The following ASH1L variants were observed in gnomAD, a reference collection of about 807,000 sequenced individuals.
The protein encoded by ASH1L is ASH1 like histone lysine methyltransferase, also known as histone-lysine N-methyltransferase ASH1L.
Under a neutral mutation model 269.0 loss-of-function variants are expected in ASH1L, and 23 were observed. The ratio of observed to expected loss-of-function variants is 0.09; its 90% CI spans 0.06 to 0.12. ASH1L has a LOEUF of 0.12. ASH1L is among the 10% of genes least tolerant of loss of function. The pLI is 1.00. For missense variants in ASH1L, 2,912 were observed against 3,567.8 expected (o/e 0.82, Z 4.68); for synonymous variants, 1,187 against 1,253.5 (o/e 0.95, Z 1.12).
chr1:155,482,008 C>G lies in ASH1L; in HGVS notation c.862G>C (p.Gly288Arg). The part of the protein sequence containing the change: ...TAVGLVTKDP[G>R]KKPVFNAAVG... ...GCTGCATTAAACACTGGCTTTTTCC[C>G]AGGATCTTTAGTTACCAATCCAACT... Residue 288 changes from glycine to arginine, a missense_variant, in exon 3 of 28, where the codon GGG becomes CGG. This residue lies in a region of ASH1L where 277 missense variants were observed against 367.7 expected (regional missense o/e 0.75). Transcript: ENST00000392403. The G allele has an allele frequency of 6.2e-7, 1 of 1,614,122 alleles. No individual in the cohort carries two copies. The highest frequency in any genetic ancestry group is 1.1e-5 in the South Asian group (1 of 91,078).
At chr1:155,456,004 A>C (rs1663838606) in intron 4 of ASH1L, among the ~76,000 whole-genome samples, 1 of 152,066 alleles carries the variant, frequency 6.6e-6, no homozygotes, top group Non-Finnish European at 1.5e-5. Flanking sequence ...TTTTTGTTCT[A>C]CTAGAGTCCT....
At chr1:155,546,312 C>T (rs1298542708) in intron 1 of ASH1L, among the ~76,000 whole-genome samples, 3 of 146,274 alleles carry the variant, frequency 2.1e-5, no homozygotes, top group Non-Finnish European at 4.5e-5. Flanking sequence ...GCCTGGGCAA[C>T]AAAGCGAGAC....
At chr1:155,446,232 C>CT (rs1663015876) in intron 4 of ASH1L, among the ~76,000 whole-genome samples, 2 of 150,560 alleles carry the variant, frequency 1.3e-5, no homozygotes, top group Non-Finnish European at 3.0e-5. Flanking sequence ...CTAAATTTAT[C>CT]GTTAAGACTT....
At chr1:155,554,651 C>G (rs1488916796) in intron 1 of ASH1L, among the ~76,000 whole-genome samples, 1 of 152,036 alleles carries the variant, frequency 6.6e-6, no homozygotes, top group East Asian at 1.9e-4. Flanking sequence ...TCAAGCAATC[C>G]TCCTGCCTTG....
intron 2 of ASH1L, among the ~76,000 whole-genome samples, chr1:155,505,413 A>AT (rs1224680077): frequency 2.2e-4 from 33 of 151,656 alleles, no homozygotes; most frequent in South Asian, 1.7e-3. Context: ...TCATAGCACA[A>AT]TTTTTTTTTA....
intron 4 of ASH1L, among the ~76,000 whole-genome samples, chr1:155,443,666 T>C (rs1391818412): frequency 6.6e-6 from 1 of 152,204 alleles, no homozygotes; most frequent in Non-Finnish European, 1.5e-5. Flanking sequence ...TTTGCTTTTC[T>C]AGAAGTTCAT....
intron 1 of ASH1L, among the ~76,000 whole-genome samples, chr1:155,533,246 A>C (rs1669809832): frequency 6.6e-6 from 1 of 152,108 alleles, no homozygotes; most frequent in Non-Finnish European, 1.5e-5. Context: ...AGCATGTACA[A>C]AGCTCTATGC....
intron 10 of ASH1L, among the ~76,000 whole-genome samples, chr1:155,371,341 A>AT (rs1428006003): frequency 9.2e-5 from 14 of 152,244 alleles, no homozygotes; most frequent in Middle Eastern, 3.4e-3. Flanking sequence ...TGAGGTCAGG[A>AT]GTTCAAGACT....
At chr1:155,427,702 T>A (rs1399276617) in intron 5 of ASH1L, among the ~76,000 whole-genome samples, 1 of 151,840 alleles carries the variant, frequency 6.6e-6, no homozygotes, top group East Asian at 1.9e-4. Context: ...GCCTCCCAAA[T>A]TGCTGGGATT....
chr1:155,465,524 AAATT>A (rs1386671749), intron 3 of ASH1L, among the ~76,000 whole-genome samples: 1 of 152,214 alleles, frequency 6.6e-6, no homozygotes, highest in African/African-American at 2.4e-5. Flanking sequence ...ACAGAAAAAT[AAATT>A]AAGTATGCTA....
At chr1:155,490,654 ACT>A (rs1218582438) in intron 2 of ASH1L, among the ~76,000 whole-genome samples, 26 of 148,270 alleles carry the variant, frequency 1.8e-4, no homozygotes, top group African/African-American at 4.7e-4. Context: ...ATACACACAC[ACT>A]CTCTCTCTCT....
intron 17 of ASH1L, among the ~76,000 whole-genome samples, chr1:155,350,095 T>C (rs1245940169): frequency 6.6e-6 from 1 of 151,996 alleles, no homozygotes; most frequent in African/African-American, 2.4e-5. Flanking sequence ...TTCACCATGT[T>C]AGCCAGGCTG....
intron 1 of ASH1L, among the ~76,000 whole-genome samples, chr1:155,523,066 T>C (rs1054033396): frequency 6.6e-6 from 1 of 152,186 alleles, no homozygotes; most frequent in East Asian, 1.9e-4. Context: ...CTAGTCTTCA[T>C]GTCAAACATA....
intron 2 of ASH1L, among the ~76,000 whole-genome samples, chr1:155,518,629 T>C (rs114770140): frequency 9.7e-4 from 132 of 136,606 alleles, no homozygotes; most frequent in African/African-American, 3.5e-3. Flanking sequence ...TCAACATCAT[T>C]AGTTGTTAAG....
chr1:155,431,119 G>A (rs1661562483), intron 5 of ASH1L, among the ~76,000 whole-genome samples: 1 of 151,966 alleles, frequency 6.6e-6, no homozygotes, highest in Non-Finnish European at 1.5e-5. Flanking sequence ...GCTGAGGCAG[G>A]AAAATCGCTA....
intron 3 of ASH1L, among the ~76,000 whole-genome samples, chr1:155,469,368 A>C (rs1664923674): frequency 6.6e-6 from 1 of 152,020 alleles, no homozygotes; most frequent in African/African-American, 2.4e-5. Flanking sequence ...TTTTTAGTAG[A>C]GATGGGGTTT....
intron 24 of ASH1L, among the ~76,000 whole-genome samples, chr1:155,342,382 GGGAAAAACTGAGCA>G (rs1652894180): frequency 6.6e-6 from 1 of 152,156 alleles, no homozygotes; most frequent in South Asian, 2.1e-4. Context: ...AGTATTTTGA[GGGAAAAACTGAGCA>G]GGTTACGAGG....
chr1:155,428,802 C>T (rs997491524), intron 5 of ASH1L, among the ~76,000 whole-genome samples: 5 of 152,148 alleles, frequency 3.3e-5, no homozygotes, highest in Non-Finnish European at 7.3e-5. Flanking sequence ...ATAAGGGATA[C>T]TTTTAGTTAA....
chr1:155,400,461 G>A (rs992011217), intron 6 of ASH1L, among the ~76,000 whole-genome samples: 5 of 152,154 alleles, frequency 3.3e-5, no homozygotes, highest in African/African-American at 1.2e-4. Context: ...TTCATGTATG[G>A]AAAGCATTCT....
Sources: allele counts gnomAD v4.1 joint callset (sites outside exome capture counted in the v4.1 genomes callset), GRCh38; gene constraint gnomAD v4.1.1; regional missense constraint gnomAD v4.1.1; transcripts MANE v1.5; gene names NCBI Gene and HGNC (gene_info 2026-07-23, HGNC 2026-07-21).